The following EFCAB6 variants were observed in gnomAD, a reference collection of about 807,000 sequenced individuals.
EFCAB6 encodes the protein EF-hand calcium-binding domain-containing protein 6.
Under a neutral mutation model 169.8 loss-of-function variants are expected in EFCAB6, and 156 were observed. The observed-to-expected ratio is 0.92, with a 90% CI of 0.81 to 1.05. The LOEUF is 1.05. Ranked by LOEUF, EFCAB6 falls within the 50% of genes least tolerant of loss-of-function variation. The pLI is 0.00. For synonymous variants in EFCAB6, 698 were observed against 676.4 expected (o/e 1.03, Z -0.50); for missense variants, 1,800 against 1,829.1 (o/e 0.98, Z 0.29).
chr22:43,713,280 G>A (rs5764229), intron 9 of EFCAB6, among the ~76,000 whole-genome samples: 3 of 152,074 alleles, frequency 2.0e-5, no homozygotes, highest in African/African-American at 7.2e-5. Context: ...TAATTACCTA[G>A]AATGAAGCAC....
At position 43,758,372 on chromosome 22, in the gene EFCAB6, T is replaced by C. The variant is rs1288388982; in HGVS notation, c.441-2540A>G. Among the ~76,000 whole-genome samples, 3 of 152,172 alleles carry C rather than the reference T, an allele frequency of 2.0e-5. No homozygotes were observed. The South Asian group carries it at 6.2e-4, about 31-fold the overall frequency. On this transcript the variant is annotated intron_variant, in intron 5 of 31. Coordinates refer to ENST00000262726, the MANE Select transcript of EFCAB6 (RefSeq NM_022785.4). ...ATTGAGTATTTTAAAATCATTTCAA[T>C]TTTTCTTCCAAATGTTGGGAATTAA...
intron 17 of EFCAB6, among the ~76,000 whole-genome samples, chr22:43,652,184 G>C (rs1344361564): frequency 1.3e-5 from 2 of 152,154 alleles, no homozygotes; most frequent in African/African-American, 4.8e-5. Flanking sequence ...GTTTGGGAGG[G>C]ACCTGGTGGG....
intron 10 of EFCAB6, among the ~76,000 whole-genome samples, chr22:43,708,396 CA>C (rs1053396393): frequency 1.4e-5 from 2 of 142,314 alleles, no homozygotes; most frequent in African/African-American, 2.6e-5. Context: ...GACTCTGTCT[CA>C]AAAAAAAAGG....
At chr22:43,566,663 C>T (rs912778433) in intron 26 of EFCAB6, among the ~76,000 whole-genome samples, 8 of 152,214 alleles carry the variant, frequency 5.3e-5, no homozygotes, top group African/African-American at 1.9e-4. Flanking sequence ...CAAGTCCAAC[C>T]ACCTACCACA....
intron 10 of EFCAB6, among the ~76,000 whole-genome samples, chr22:43,711,167 T>A (rs901276258): frequency 6.6e-6 from 1 of 152,196 alleles, no homozygotes; most frequent in African/African-American, 2.4e-5. Context: ...ACCTTGTTTC[T>A]AAAAAGAGTT....
At chr22:43,578,848 A>G (rs2050456329) in intron 25 of EFCAB6, among the ~76,000 whole-genome samples, 1 of 151,298 alleles carries the variant, frequency 6.6e-6, no homozygotes. Context: ...CCGTACATGC[A>G]GGCATCATTC....
chr22:43,580,463 C>A lies in EFCAB6; in HGVS notation c.3228+1G>T. 1 of 1,613,890 alleles carries A rather than the reference C, an allele frequency of 6.2e-7. No individual in the cohort carries two copies. The highest frequency in any genetic ancestry group is 8.5e-7 in the Non-Finnish European group (1 of 1,179,936). On this transcript the variant is annotated splice_donor_variant, in intron 25 of 31. Coordinates refer to ENST00000262726, the MANE Select transcript of EFCAB6 (RefSeq NM_022785.4). LOFTEE classifies it high-confidence loss of function. ...AGTAAAGCACTTTCAGCCTGTCATA[C>A]CGTGGACAAAGCCAGCTGGGAGGAC...
At chr22:43,539,983 C>A in intron 28 of EFCAB6, 144 bp downstream of exon 28, 1 of 830,044 alleles carries the variant, frequency 1.2e-6, no homozygotes, top group South Asian at 1.7e-5. Flanking sequence ...CCAGTGGGAT[C>A]CTTGCATGTG....
intron 11 of EFCAB6, 151 bp from the exon 12 acceptor site, chr22:43,684,006 G>A: frequency 1.6e-6 from 1 of 625,400 alleles, no homozygotes; most frequent in Non-Finnish European, 2.8e-6. Flanking sequence ...CACTTGTGGG[G>A]CTCATCTGAA....
chr22:43,574,783 C>A (rs1330374071), intron 26 of EFCAB6, among the ~76,000 whole-genome samples: 1 of 152,176 alleles, frequency 6.6e-6, no homozygotes, highest in African/African-American at 2.4e-5. Flanking sequence ...CATTTGTAGA[C>A]AACGAGACCT....
chr22:43,693,028 A>G (rs1350750118), intron 10 of EFCAB6, among the ~76,000 whole-genome samples: 1 of 152,204 alleles, frequency 6.6e-6, no homozygotes, highest in Non-Finnish European at 1.5e-5. Flanking sequence ...GAAGATGCCA[A>G]TTTAAGAGAT....
intron 21 of EFCAB6, among the ~76,000 whole-genome samples, chr22:43,611,578 C>CT (rs1260581247): frequency 1.3e-5 from 2 of 152,298 alleles, no homozygotes; most frequent in East Asian, 3.9e-4. Context: ...AGGCAGATCG[C>CT]TTGAGCCCAG....
intron 10 of EFCAB6, among the ~76,000 whole-genome samples, chr22:43,702,135 C>A (rs1304144291): frequency 6.6e-6 from 1 of 152,044 alleles, no homozygotes; most frequent in Non-Finnish European, 1.5e-5. Flanking sequence ...CATGAGTTAT[C>A]AATATTTTAA....
chr22:43,669,223 G>T (rs1274108742), intron 15 of EFCAB6, among the ~76,000 whole-genome samples, 178 bp from the exon 16 acceptor site: 1 of 152,170 alleles, frequency 6.6e-6, no homozygotes, highest in East Asian at 1.9e-4. Flanking sequence ...ATGAAAATGT[G>T]TGTCTACACA....
intron 20 of EFCAB6, among the ~76,000 whole-genome samples, chr22:43,618,165 G>A (rs5008679): frequency 2.9e-5 from 2 of 68,238 alleles, no homozygotes; most frequent in African/African-American, 5.7e-5. Flanking sequence ...AAGGAAGGAA[G>A]GAAAGAAAGA....
intron 31 of EFCAB6, 116 bp downstream of exon 31, chr22:43,530,699 A>C: frequency 6.5e-7 from 1 of 1,538,206 alleles, no homozygotes; most frequent in Non-Finnish European, 8.7e-7. Flanking sequence ...GATCTGAAGC[A>C]GCCAGGTCAC....
At chr22:43,687,739 C>A (rs1443360537) in intron 10 of EFCAB6, among the ~76,000 whole-genome samples, 158 bp from the exon 11 acceptor site, 1 of 152,130 alleles carries the variant, frequency 6.6e-6, no homozygotes, top group Non-Finnish European at 1.5e-5. Flanking sequence ...AATAGTACTA[C>A]AAATTGATTT....
At position 43,699,977 on chromosome 22, in the gene EFCAB6, T is replaced by C. The variant is rs145752597; in HGVS notation, c.1031+11498A>G. Among the ~76,000 whole-genome samples, 5 of 152,330 alleles carry C rather than the reference T, an allele frequency of 3.3e-5. No homozygotes were observed. In the East Asian group the frequency reaches 7.7e-4, roughly 24 times the overall value. On this transcript the variant is annotated intron_variant, in intron 10 of 31. Transcript: ENST00000262726. ...CGGCGAATACGCAAGTTACAAGTTATAGCATTCATTTATTTCATCATCTCA... is the reference window on the plus strand; with the variant it reads ...CGGCGAATACGCAAGTTACAAGTTACAGCATTCATTTATTTCATCATCTCA...
intron 17 of EFCAB6, among the ~76,000 whole-genome samples, chr22:43,648,378 T>TA (rs575902455): frequency 7.2e-5 from 11 of 151,988 alleles, no homozygotes; most frequent in South Asian, 2.1e-4. Context: ...TACACTGCCA[T>TA]AAAAAAAGAC....
Sources: allele counts gnomAD v4.1 joint callset (sites outside exome capture counted in the v4.1 genomes callset), GRCh38; gene constraint gnomAD v4.1.1; transcripts MANE v1.5; gene names NCBI Gene and HGNC (gene_info 2026-07-23, HGNC 2026-07-21).